NCOA5: variants seen among roughly 807,000 people sequenced by gnomAD.
NCOA5 encodes the protein NCoA-5.
In NCOA5, 12 loss-of-function variants were observed where a neutral mutation model predicts 59.0. That is an observed-to-expected ratio of 0.20 (90% confidence interval 0.13 to 0.33). The LOEUF (loss-of-function observed/expected upper bound fraction) is 0.33. Ranked by LOEUF, NCOA5 falls within the 10% of genes least tolerant of loss-of-function variation. The pLI, the probability that NCOA5 is intolerant of heterozygous loss-of-function variation, is 1.00. For missense variants in NCOA5, 655 were observed against 766.6 expected (o/e 0.85, Z 1.72); for synonymous variants, 270 against 275.5 (o/e 0.98, Z 0.20).
chr20:46,085,898 G>A (rs1673111064), intron 1 of NCOA5, among the ~76,000 whole-genome samples: 1 of 152,170 alleles, frequency 6.6e-6, no homozygotes, highest in Admixed American at 6.5e-5. Flanking sequence ...TTAAATGTAA[G>A]ACATTCAAAA....
chr20:46,076,756 T>C (rs1201193436), intron 2 of NCOA5, among the ~76,000 whole-genome samples: 1 of 152,102 alleles, frequency 6.6e-6, no homozygotes, highest in African/African-American at 2.4e-5. Flanking sequence ...TTAATGGAAT[T>C]TGAATTAGCC....
chr20:46,070,935 T>C (rs2084876381), intron 2 of NCOA5, among the ~76,000 whole-genome samples: 1 of 152,068 alleles, frequency 6.6e-6, no homozygotes, highest in African/African-American at 2.4e-5. Context: ...ATAAAAGTGA[T>C]CAAAGGAACT....
In NCOA5 at chr20:46,062,476, T is replaced by C. The variant is rs1025753494; in HGVS notation, c.1564A>G (p.Met522Val). The C allele has an allele frequency of 1.4e-5, 22 of 1,613,954 alleles. No individual in the cohort carries two copies. The highest frequency in any genetic ancestry group is 1.8e-5 in the Non-Finnish European group (21 of 1,180,004). The change falls in exon 8 of 8, where the codon ATG becomes GTG. Residue 522 changes from methionine to valine, a missense_variant. This residue lies in a region of NCOA5 where 325 missense variants were observed against 353.2 expected (regional missense o/e 0.92). Transcript: ENST00000290231. ...GAAGACACAGGCCTCTGGCTAGTCA[T>C]GTTGCTAGCAGGTGCCAGGCGACTG... ...PSSRLAPASN[M>V]TSQRPVSSTG...
At position 46,065,207 on chromosome 20, in the gene NCOA5, C is replaced by T; in HGVS notation, c.651G>A (p.Gly217=). The change falls in exon 6 of 8, where the codon GGG becomes GGA. Residue 217 remains glycine (G), a synonymous_variant. Coordinates refer to ENST00000290231, the MANE Select transcript of NCOA5 (RefSeq NM_020967.3). The part of the protein sequence containing the change: ...KQTKDYAESV[G]RKVRDLGMVV... ...CCATGCCCAGGTCTCGCACCTTCCGCCCCACAGACTCAGCATAGTCTCTGT... is the reference window on the plus strand; with the variant it reads ...CCATGCCCAGGTCTCGCACCTTCCGTCCCACAGACTCAGCATAGTCTCTGT... 2.5e-6 allele frequency: 4 copies of T among 1,614,168 alleles called. No individual in the cohort carries two copies. Among genetic ancestry groups the T allele is most frequent in the Non-Finnish European group, 2.5e-6 (3 of 1,180,030 alleles).
chr20:46,084,334 A>G (rs961070978), intron 1 of NCOA5, among the ~76,000 whole-genome samples: 1 of 152,224 alleles, frequency 6.6e-6, no homozygotes, highest in Non-Finnish European at 1.5e-5. Context: ...CGGAGTGGAA[A>G]GACATGCTTT....
rs746747724 is a variant in NCOA5 at position 46,070,334 on chromosome 20, C to T, written c.241G>A (p.Val81Ile). Residue 81 changes from valine to isoleucine, a missense_variant, in exon 3 of 8, where the codon GTT (valine) becomes ATT (isoleucine). Around this residue, in one of 3 missense-constraint regions of NCOA5, gnomAD observed 250 missense variants for 260.1 expected, o/e 0.96. Coordinates refer to ENST00000290231, the MANE Select transcript of NCOA5 (RefSeq NM_020967.3). Reference protein sequence around the residue: ...DHRDSRSVRDVRDVRDLRDFR... With the variant: ...DHRDSRSVRDIRDVRDLRDFR... ...TCTCTAAGATCCCTCACGTCCCGAACGTCGCGCACACTCCTGCTGTCTCTG... is the reference window on the plus strand; with the variant it reads ...TCTCTAAGATCCCTCACGTCCCGAATGTCGCGCACACTCCTGCTGTCTCTG... The T allele has an allele frequency of 3.1e-5, 50 of 1,613,658 alleles. No individual in the cohort carries two copies. The South Asian group carries it at 3.5e-4, about 11-fold the overall frequency.
rs374433897 is a variant in NCOA5 at position 46,062,929 on chromosome 20, C to T, written c.1151-40G>A. The T allele has an allele frequency of 2.0e-5, 30 of 1,487,652 alleles. No homozygotes were observed. The African/African-American group carries it at 3.7e-4, about 18-fold the overall frequency. The allele number at this position is 1,487,652 out of a possible 1,614,324, so 92.2% of individuals were successfully genotyped here. On this transcript the variant is annotated intron_variant, in intron 7 of 7. Coordinates refer to ENST00000290231, the MANE Select transcript of NCOA5 (RefSeq NM_020967.3). The stretch of plus-strand genomic sequence containing the variant: ...AGGGAGGTATCTGGTTCAAAGTACC[C>T]CCCAAGGGCAGGAGGCCTAGCAGCC...
rs548899358 is a variant in NCOA5 at position 46,076,488 on chromosome 20, G to A, written c.38+2899C>T. Among the ~76,000 whole-genome samples, 6 of 151,644 alleles carry A rather than the reference G, an allele frequency of 4.0e-5. No individual in the cohort carries two copies. The South Asian group carries it at 6.3e-4, about 16-fold the overall frequency. ...GACAATGATTAAAATGTTAGTGCTCGCTATTTTGAATACAATGTTAAACCT... is the reference window on the plus strand; with the variant it reads ...GACAATGATTAAAATGTTAGTGCTCACTATTTTGAATACAATGTTAAACCT... On this transcript the variant is annotated intron_variant, in intron 2 of 7. Coordinates refer to ENST00000290231, the MANE Select transcript of NCOA5 (RefSeq NM_020967.3).
At chr20:46,065,984 G>A (rs2084819095) in intron 5 of NCOA5, among the ~76,000 whole-genome samples, 2 of 152,198 alleles carry the variant, frequency 1.3e-5, no homozygotes, top group Middle Eastern at 3.2e-3. Context: ...GAAAATAACA[G>A]CTATTATCAT....
At chr20:46,073,449 T>C (rs1322317635) in intron 2 of NCOA5, among the ~76,000 whole-genome samples, 1 of 152,192 alleles carries the variant, frequency 6.6e-6, no homozygotes, top group Non-Finnish European at 1.5e-5. Flanking sequence ...ACTTCAACCT[T>C]CCTTATTACA....
rs943708299 is a variant in NCOA5, at chr20:46,062,496, C to T, written c.1544G>A (p.Arg515His). ...AGTCATGTTGCTAGCAGGTGCCAGGCGACTGGAAGGCTGGCCAAAAAGCCC... is the reference window on the plus strand; with the variant it reads ...AGTCATGTTGCTAGCAGGTGCCAGGTGACTGGAAGGCTGGCCAAAAAGCCC... ...SQGLFGQPSS[R>H]LAPASNMTSQ... is the part of the protein sequence containing the mutation. Residue 515 changes from arginine to histidine, a missense_variant, in exon 8 of 8, where the codon CGC becomes CAC. Arg to His is a conservative substitution (Grantham distance 29). Coordinates refer to ENST00000290231, the MANE Select transcript of NCOA5 (RefSeq NM_020967.3). 5 of 1,614,124 alleles carry T rather than the reference C, an allele frequency of 3.1e-6. No homozygotes were observed. The highest frequency in any genetic ancestry group is 2.2e-5 in the East Asian group (1 of 44,870).
In NCOA5 at chr20:46,065,245, G is replaced by C. The variant is rs1327289843; in HGVS notation, c.630-17C>G. 47 of 1,613,788 alleles carry C rather than the reference G, an allele frequency of 2.9e-5. No individual in the cohort carries two copies. The highest frequency in any genetic ancestry group is 3.9e-5 in the Non-Finnish European group (46 of 1,179,732). ...GCATAGTCTCTGTAAAAATAAATAA[G>C]ATCCAGGTGAGCGACCAACTCCAAA... On this transcript the variant is annotated splice_polypyrimidine_tract_variant and intron_variant, in intron 5 of 7. Coordinates refer to ENST00000290231, the MANE Select transcript of NCOA5 (RefSeq NM_020967.3).
chr20:46,082,776 G>C (rs1298868625), intron 1 of NCOA5, among the ~76,000 whole-genome samples: 1 of 152,142 alleles, frequency 6.6e-6, no homozygotes, highest in East Asian at 1.9e-4. Context: ...AAGAAAAAGA[G>C]CTTTACATAC....
At chr20:46,085,681 C>T (rs530163159) in intron 1 of NCOA5, among the ~76,000 whole-genome samples, 3 of 152,032 alleles carry the variant, frequency 2.0e-5, no homozygotes, top group East Asian at 1.9e-4. Context: ...GTTGGGAACA[C>T]GGGGATAGGA....
rs144964524 is a variant in NCOA5, at chr20:46,068,582, T to A, written c.422A>T (p.Asp141Val). The stretch of plus-strand genomic sequence containing the variant: ...TCTGTAACGGTCAAAATAAGAGTCA[T>A]CCTTTCTCCTGCAATAGTCATCCAT... ...LRMDDYCRRK[D>V]DSYFDRYRDS... The change falls in exon 4 of 8, where the codon GAT becomes GTT. Residue 141 changes from aspartate (D) to valine (V), a missense_variant. By Grantham distance (152) the Asp-to-Val change is radical. Around this residue, in one of 3 missense-constraint regions of NCOA5, gnomAD observed 250 missense variants for 260.1 expected, o/e 0.96. Coordinates refer to ENST00000290231, the MANE Select transcript of NCOA5 (RefSeq NM_020967.3). 4.1e-5 allele frequency: 66 copies of A among 1,613,706 alleles called. No individual in the cohort carries two copies. The African/African-American group carries it at 5.7e-4, about 14-fold the overall frequency.
rs780988284 is a variant in NCOA5, at chr20:46,065,020, ACT to A, written c.829+7_829+8del. 3 of 1,613,924 alleles carry A rather than the reference ACT, an allele frequency of 1.9e-6. No individual in the cohort carries two copies. The highest frequency in any genetic ancestry group is 1.1e-5 in the South Asian group (1 of 91,058). ...ACTAGTGACTACCTCCGGTATTCTGACTCTGTACCTTGCGGGGTTCCAAACAT... is the reference window on the plus strand; with the variant it reads ...ACTAGTGACTACCTCCGGTATTCTGACTGTACCTTGCGGGGTTCCAAACAT... On this transcript the variant is annotated splice_region_variant and intron_variant, in intron 6 of 7. Coordinates refer to ENST00000290231, the MANE Select transcript of NCOA5 (RefSeq NM_020967.3).
intron 2 of NCOA5, among the ~76,000 whole-genome samples, chr20:46,075,029 T>C (rs977109299): frequency 1.3e-5 from 2 of 152,260 alleles, no homozygotes; most frequent in Non-Finnish European, 1.5e-5. Flanking sequence ...ACAGATATAC[T>C]GTCCACAAAT....
chr20:46,068,409 C>T lies in NCOA5; in HGVS notation c.502+93G>A, dbSNP rs959636644. ...TACACTGCTTGGCCAAGGCACTAGC[C>T]CTTTTTCAGATGGGGGTACTGGTTA... On this transcript the variant is annotated intron_variant, in intron 4 of 7. Coordinates refer to ENST00000290231, the MANE Select transcript of NCOA5 (RefSeq NM_020967.3). 24 of 1,374,088 alleles carry T rather than the reference C, an allele frequency of 1.7e-5. No individual in the cohort carries two copies. In the Admixed American group the frequency reaches 6.2e-4, roughly 35 times the overall value. 85.1% of individuals were successfully genotyped at this position (1,374,088 alleles called of 1,614,324 possible).
intron 2 of NCOA5, among the ~76,000 whole-genome samples, chr20:46,078,716 CTTT>C (rs1001540567): frequency 1.3e-5 from 2 of 151,170 alleles, no homozygotes; most frequent in African/African-American, 4.9e-5. Context: ...TAAAGCTCTT[CTTT>C]GAGAGGAGGG....
Sources: allele counts gnomAD v4.1 joint callset (sites outside exome capture counted in the v4.1 genomes callset), GRCh38; gene constraint gnomAD v4.1.1; regional missense constraint gnomAD v4.1.1; transcripts MANE v1.5; gene names NCBI Gene and HGNC (gene_info 2026-07-23, HGNC 2026-07-21).